The following C7orf78 variants were observed in gnomAD, a reference collection of about 807,000 sequenced individuals.
C7orf78 encodes the protein chromosome 7 open reading frame 78.
chr7:12,516,475 C>T, the C7orf78 span, among the ~76,000 whole-genome samples: 1 of 152,234 alleles, frequency 6.6e-6, no homozygotes, highest in Admixed American at 6.5e-5. Context: ...TGGGAGGCCC[C>T]ACACAGAGTC....
chr7:12,539,979 C>T, the C7orf78 span, among the ~76,000 whole-genome samples: 2 of 152,082 alleles, frequency 1.3e-5, no homozygotes, highest in Non-Finnish European at 2.9e-5. Context: ...TCAGATAAAA[C>T]AAATGTAAGC....
At chr7:12,487,711 C>G in the C7orf78 span, among the ~76,000 whole-genome samples, 3 of 151,948 alleles carry the variant, frequency 2.0e-5, no homozygotes, top group African/African-American at 7.2e-5. Flanking sequence ...GCAAAGCCAG[C>G]GTAGCGGAAA....
chr7:12,532,042 G>A, the C7orf78 span, among the ~76,000 whole-genome samples: 19 of 152,154 alleles, frequency 1.2e-4, no homozygotes, highest in Non-Finnish European at 2.2e-4. Context: ...ACTCTCCACT[G>A]ACCAGTGCCA....
chr7:12,506,599 C>G, the C7orf78 span, among the ~76,000 whole-genome samples: 5 of 152,060 alleles, frequency 3.3e-5, no homozygotes, highest in East Asian at 9.7e-4. Context: ...AATGAGAACA[C>G]ATGGACACAG....
At chr7:12,498,490 G>T in the C7orf78 span, among the ~76,000 whole-genome samples, 2 of 151,854 alleles carry the variant, frequency 1.3e-5, no homozygotes, top group African/African-American at 4.8e-5. Context: ...ATCAGCAATG[G>T]AAGATGAAAT....
At chr7:12,532,655 C>T in the C7orf78 span, among the ~76,000 whole-genome samples, 1 of 152,088 alleles carries the variant, frequency 6.6e-6, no homozygotes, top group Admixed American at 6.6e-5. Context: ...TCGAAGTTTG[C>T]ATTTGTGAAA....
the C7orf78 span, among the ~76,000 whole-genome samples, chr7:12,515,757 G>C: frequency 5.3e-5 from 8 of 152,146 alleles, no homozygotes; most frequent in Admixed American, 5.2e-4. Context: ...CTCTTGTTTT[G>C]TTTTAGCAAA....
At chr7:12,534,732 C>G in the C7orf78 span, among the ~76,000 whole-genome samples, 3 of 152,272 alleles carry the variant, frequency 2.0e-5, no homozygotes, top group Non-Finnish European at 4.4e-5. Context: ...GTGGGAGGAA[C>G]TCTTGAGCCC....
chr7:12,503,376 T>G, the C7orf78 span, among the ~76,000 whole-genome samples: 4 of 151,802 alleles, frequency 2.6e-5, no homozygotes, highest in Admixed American at 2.6e-4. Flanking sequence ...ATGGTGCTTA[T>G]GTTTTAAAAA....
the C7orf78 span, among the ~76,000 whole-genome samples, chr7:12,508,408 C>T: frequency 6.6e-6 from 1 of 151,064 alleles, no homozygotes; most frequent in African/African-American, 2.4e-5. Context: ...GAAAAAAAAT[C>T]AGTCCATGAT....
the C7orf78 span, among the ~76,000 whole-genome samples, chr7:12,512,067 G>A: frequency 0.019 from 2,938 of 151,624 alleles, 37 homozygotes; most frequent in South Asian, 0.029. Context: ...GAGCCACCAC[G>A]CCTGGCCTGA....
the C7orf78 span, among the ~76,000 whole-genome samples, chr7:12,496,950 G>C: frequency 1.3e-5 from 2 of 152,074 alleles, no homozygotes; most frequent in African/African-American, 4.8e-5. Context: ...AAAAATTTTG[G>C]CTTCTTAGTT....
At chr7:12,530,980 T>C in the C7orf78 span, 1 of 398,240 alleles carries the variant, frequency 2.5e-6, no homozygotes, top group Non-Finnish European at 4.4e-6. Flanking sequence ...CATGTCTGCT[T>C]TTACTAACTT....
At chr7:12,496,853 T>G in the C7orf78 span, among the ~76,000 whole-genome samples, 19 of 152,198 alleles carry the variant, frequency 1.2e-4, no homozygotes, top group Admixed American at 1.2e-3. Flanking sequence ...TCCAAAACTA[T>G]AAGAGATTTA....
the C7orf78 span, among the ~76,000 whole-genome samples, chr7:12,517,354 C>G: frequency 6.6e-6 from 1 of 152,124 alleles, no homozygotes; most frequent in Non-Finnish European, 1.5e-5. Context: ...CCAATTAAAC[C>G]TCTTTTTCTT....
At chr7:12,490,579 T>C in the C7orf78 span, among the ~76,000 whole-genome samples, 2 of 152,072 alleles carry the variant, frequency 1.3e-5, no homozygotes, top group Admixed American at 1.3e-4. Flanking sequence ...GAGGGGAAAT[T>C]TTATTAAAGT....
the C7orf78 span, among the ~76,000 whole-genome samples, chr7:12,508,057 G>A: frequency 2.0e-5 from 3 of 152,142 alleles, no homozygotes; most frequent in African/African-American, 7.2e-5. Flanking sequence ...GAAATAATGT[G>A]TGGTCTGTAA....
At chr7:12,516,199 A>C in the C7orf78 span, among the ~76,000 whole-genome samples, 2 of 152,166 alleles carry the variant, frequency 1.3e-5, no homozygotes, top group Non-Finnish European at 2.9e-5. Flanking sequence ...TTGGTGCCCT[A>C]TGTCCCAGAT....
chr7:12,525,904 G>A, the C7orf78 span: 3 of 396,506 alleles, frequency 7.6e-6, no homozygotes, highest in African/African-American at 2.1e-5. Context: ...CTTAAGTACA[G>A]GTAAGCTGTT....
Sources: allele counts gnomAD v4.1 joint callset (sites outside exome capture counted in the v4.1 genomes callset), GRCh38; gene constraint gnomAD v4.1.1; transcripts MANE v1.5; gene names NCBI Gene and HGNC (gene_info 2026-07-23, HGNC 2026-07-21).